LOXHD1: variants seen among roughly 807,000 people sequenced by gnomAD.
LOXHD1 encodes lipoxygenase homology domain-containing protein 1.
In LOXHD1, 205 loss-of-function variants were observed where a neutral mutation model predicts 248.2. The observed-to-expected ratio is 0.83, with a 90% confidence interval of 0.74 to 0.93. LOXHD1 has a LOEUF of 0.93. Among genes scored for constraint, LOXHD1 ranks in the 40% least tolerant of loss-of-function variants. The probability of loss-of-function intolerance (pLI) is 0.00; values close to 1 mark genes in which losing one functional copy is unlikely to be tolerated. For missense variants in LOXHD1, 2,930 were observed against 2,971.6 expected (o/e 0.99, Z 0.33); for synonymous variants, 1,113 against 1,162.8 (o/e 0.96, Z 0.87).
chr18:46,600,766 C>T (rs1315214109), intron 8 of LOXHD1, among the ~76,000 whole-genome samples: 3 of 152,188 alleles, frequency 2.0e-5, no homozygotes, highest in Non-Finnish European at 2.9e-5. Flanking sequence ...AAAAGCATCA[C>T]GAATGTTCTA....
chr18:46,502,285 G>A (rs906655400), intron 37 of LOXHD1, among the ~76,000 whole-genome samples: 1 of 152,180 alleles, frequency 6.6e-6, no homozygotes, highest in Non-Finnish European at 1.5e-5. Flanking sequence ...AGGAATGGCT[G>A]AAAGGACTCT....
At chr18:46,620,484 G>A (rs972378400) in intron 4 of LOXHD1, among the ~76,000 whole-genome samples, 1 of 152,312 alleles carries the variant, frequency 6.6e-6, no homozygotes, top group Non-Finnish European at 1.5e-5. Context: ...TGAAGGAGTC[G>A]CCAATATTCT....
At position 46,633,981 on chromosome 18, in the gene LOXHD1, G is replaced by A. The variant is rs140677257; in HGVS notation, c.511+5635C>T. On this transcript the variant is annotated intron_variant, in intron 4 of 40. Transcript: ENST00000642948. ...TCAGGATCTGGAGAAATTAGAACTC[G>A]TGTGCATTGCTGGTAGGAATGTAAA... is the stretch of plus-strand genomic sequence containing the variant. Among the ~76,000 whole-genome samples, 13 of 152,278 alleles carry A rather than the reference G, an allele frequency of 8.5e-5. No individual in the cohort carries two copies. The East Asian group carries it at 1.9e-3, about 23-fold the overall frequency.
chr18:46,561,179 A>T (rs2037523413), intron 18 of LOXHD1, among the ~76,000 whole-genome samples: 1 of 152,112 alleles, frequency 6.6e-6, no homozygotes, highest in African/African-American at 2.4e-5. Context: ...CCCCTTCCCC[A>T]AGAGCAGAGA....
intron 37 of LOXHD1, among the ~76,000 whole-genome samples, chr18:46,496,487 C>T (rs939334229): frequency 2.6e-5 from 4 of 151,974 alleles, no homozygotes; most frequent in Admixed American, 6.5e-5. Flanking sequence ...TCATACGTGT[C>T]TATGCAAGGG....
At chr18:46,590,248 G>A (rs2144219340) in intron 12 of LOXHD1, among the ~76,000 whole-genome samples, 1 of 152,172 alleles carries the variant, frequency 6.6e-6, no homozygotes. Flanking sequence ...AGGAATCCGT[G>A]TTTTAACAAG....
At chr18:46,639,477 C>G in intron 4 of LOXHD1, 139 bp downstream of exon 4, 2 of 1,045,888 alleles carry the variant, frequency 1.9e-6, no homozygotes, top group African/African-American at 1.6e-5. Context: ...TCCCCTTGGC[C>G]CTAACCAACA....
chr18:46,580,938 T>C (rs2037949879), intron 12 of LOXHD1, among the ~76,000 whole-genome samples: 1 of 151,580 alleles, frequency 6.6e-6, no homozygotes, highest in South Asian at 2.1e-4. Flanking sequence ...GAATATGAGA[T>C]AAGGCTCGGA....
At chr18:46,598,669 T>A (rs1263322125) in intron 8 of LOXHD1, among the ~76,000 whole-genome samples, 2 of 152,128 alleles carry the variant, frequency 1.3e-5, no homozygotes, top group Non-Finnish European at 2.9e-5. Flanking sequence ...CAACTAATTG[T>A]TAGAAAATAT....
chr18:46,512,711 A>G (rs538585805), intron 34 of LOXHD1, among the ~76,000 whole-genome samples: 52 of 152,322 alleles, frequency 3.4e-4, no homozygotes, highest in South Asian at 1.4e-3. Flanking sequence ...TTTTTGTTAC[A>G]TTGAGTTCTG....
rs369890906 is a variant in LOXHD1 at position 46,524,585 on chromosome 18, C to A, written c.4757G>T (p.Arg1586Leu). ...LFYEKEYTGD[R>L]SSNCSSPADF... ...AGCAGGGCTGCTGCAGTTGCTGCTG[C>A]GGTCCCCAGTGTACTCCTGTGTGGG... The change falls in exon 31 of 41, where the codon CGC becomes CTC. Residue 1586 changes from arginine to leucine, a missense_variant. Coordinates refer to ENST00000642948, the MANE Select transcript of LOXHD1 (RefSeq NM_001384474.1). 1.2e-5 allele frequency: 19 copies of A among 1,551,596 alleles called. No homozygotes were observed. Among genetic ancestry groups the A allele is most frequent in the Non-Finnish European group, 1.5e-5 (17 of 1,147,004 alleles).
intron 28 of LOXHD1, among the ~76,000 whole-genome samples, chr18:46,529,819 A>G (rs1240785257): frequency 1.3e-5 from 2 of 151,880 alleles, no homozygotes; most frequent in African/African-American, 4.8e-5. Flanking sequence ...TCATTTCCTC[A>G]CGTTCATTTA....
intron 23 of LOXHD1, among the ~76,000 whole-genome samples, chr18:46,544,071 T>C (rs2036687549): frequency 6.6e-6 from 1 of 152,240 alleles, no homozygotes; most frequent in Admixed American, 6.5e-5. Flanking sequence ...ATGCACTGCA[T>C]TGCCTTTAAG....
intron 6 of LOXHD1, among the ~76,000 whole-genome samples, chr18:46,607,306 CATAT>C (rs112105590): frequency 1.3e-5 from 2 of 149,626 alleles, no homozygotes; most frequent in African/African-American, 2.5e-5. Context: ...TATATGGTGT[CATAT>C]ATATATACAC....
Position 46,554,791 on chromosome 18 carries a change from A to G in LOXHD1, c.3350+2565T>C, listed in dbSNP as rs947410416. ...ATACCTGGGCATAAACTTAACAAGAATGTGTAGCAGTTATGTGTAGGAAAT... is the reference window on the plus strand; with the variant it reads ...ATACCTGGGCATAAACTTAACAAGAGTGTGTAGCAGTTATGTGTAGGAAAT... On this transcript the variant is annotated intron_variant, in intron 21 of 40. Coordinates refer to ENST00000642948, the MANE Select transcript of LOXHD1 (RefSeq NM_001384474.1). 3.3e-5 allele frequency among the ~76,000 whole-genome samples: 5 copies of G among 152,224 alleles called. 1 individual carries two copies. Among genetic ancestry groups the G allele is most frequent in the Admixed American group, 3.3e-4 (5 of 15,282 alleles).
intron 35 of LOXHD1, among the ~76,000 whole-genome samples, chr18:46,509,291 G>A (rs953674964): frequency 3.3e-5 from 5 of 152,090 alleles, no homozygotes; most frequent in African/African-American, 9.7e-5. Flanking sequence ...GCCTAACTCC[G>A]TGATCACAGA....
At chr18:46,509,273 A>C (rs796224257) in intron 35 of LOXHD1, among the ~76,000 whole-genome samples, 10 of 152,182 alleles carry the variant, frequency 6.6e-5, no homozygotes, top group African/African-American at 1.4e-4. Context: ...ATGGAAAAAG[A>C]AGCAGCTGCC....
At chr18:46,526,393 A>G (rs1216769737) in intron 29 of LOXHD1, among the ~76,000 whole-genome samples, 4 of 152,238 alleles carry the variant, frequency 2.6e-5, no homozygotes, top group Non-Finnish European at 4.4e-5. Flanking sequence ...CAAGGCAGCC[A>G]TGCACGCCAA....
At chr18:46,587,779 G>A (rs956787656) in intron 12 of LOXHD1, among the ~76,000 whole-genome samples, 23 of 152,244 alleles carry the variant, frequency 1.5e-4, no homozygotes, top group Admixed American at 8.5e-4. Flanking sequence ...TGGAGAACAC[G>A]GATCTCATTT....
Sources: allele counts gnomAD v4.1 joint callset (sites outside exome capture counted in the v4.1 genomes callset), GRCh38; gene constraint gnomAD v4.1.1; transcripts MANE v1.5; gene names NCBI Gene and HGNC (gene_info 2026-07-23, HGNC 2026-07-21).